Variants in DRD2 observed in about 807,000 individuals in gnomAD.
DRD2 encodes the protein D(2) dopamine receptor.
In DRD2, 8 loss-of-function variants were observed where a neutral mutation model predicts 38.0. That is an observed-to-expected ratio of 0.21 (90% CI 0.12 to 0.38). The LOEUF (loss-of-function observed/expected upper bound fraction) is 0.38. Among genes scored for constraint, DRD2 ranks in the 10% least tolerant of loss-of-function variants. The probability of loss-of-function intolerance (pLI) is 1.00; values close to 1 mark genes in which losing one functional copy is unlikely to be tolerated. For missense variants in DRD2, 403 were observed against 607.7 expected (o/e 0.66, Z 3.54); for synonymous variants, 230 against 238.6 (o/e 0.96, Z 0.33).
chr11:113,419,693 G>A (rs537380786), intron 2 of DRD2, among the ~76,000 whole-genome samples: 6 of 152,154 alleles, frequency 3.9e-5, no homozygotes, highest in African/African-American at 7.2e-5. Flanking sequence ...CCCGCAACCC[G>A]GAGTAGGGCA....
At chr11:113,447,303 T>C (rs1255896330) in intron 1 of DRD2, among the ~76,000 whole-genome samples, 1 of 152,122 alleles carries the variant, frequency 6.6e-6, no homozygotes, top group Non-Finnish European at 1.5e-5. Context: ...CATAAAATCC[T>C]CTCCCCGCTC....
At chr11:113,447,103 C>T (rs1391806857) in intron 1 of DRD2, among the ~76,000 whole-genome samples, 2 of 152,124 alleles carry the variant, frequency 1.3e-5, no homozygotes, top group Non-Finnish European at 2.9e-5. Context: ...ATGTCATAGC[C>T]CTTGCAAGTC....
chr11:113,467,078 C>T (rs2119990911), intron 1 of DRD2, among the ~76,000 whole-genome samples: 1 of 152,224 alleles, frequency 6.6e-6, no homozygotes, highest in African/African-American at 2.4e-5. Context: ...GTGCTGACAT[C>T]CTCTGCCTGG....
intron 2 of DRD2, among the ~76,000 whole-genome samples, chr11:113,419,706 C>T (rs1371001719): frequency 6.6e-6 from 1 of 152,204 alleles, no homozygotes; most frequent in Non-Finnish European, 1.5e-5. Flanking sequence ...GTAGGGCAGA[C>T]TTCGTGTCAC....
intron 1 of DRD2, among the ~76,000 whole-genome samples, chr11:113,426,361 G>C (rs1249718709): frequency 6.6e-6 from 1 of 152,160 alleles, no homozygotes; most frequent in Non-Finnish European, 1.5e-5. Context: ...CGGAGTTTTG[G>C]TTGTGACTGA....
At chr11:113,419,154 C>T (rs1950856797) in intron 2 of DRD2, among the ~76,000 whole-genome samples, 1 of 152,226 alleles carries the variant, frequency 6.6e-6, no homozygotes, top group Non-Finnish European at 1.5e-5. Flanking sequence ...TCTGGCTGAG[C>T]CAGGCAAGCC....
chr11:113,414,393 T>C lies in DRD2; in HGVS notation c.792A>G (p.Pro264=). The stretch of plus-strand genomic sequence containing the variant: ...CACTTACCACTCTCCGCCTGTTCAC[T>C]GGGAAACTCCCATTAGACTTCATGA... ...TVIMKSNGSF[P]VNRRRVEAAR... is the part of the protein sequence containing the mutation. Residue 264 remains proline (P), a synonymous_variant, in exon 6 of 8, where the codon CCA becomes CCG. Transcript: ENST00000362072. 1 of 1,614,208 alleles carries C rather than the reference T, an allele frequency of 6.2e-7. No homozygotes were observed. Among genetic ancestry groups the C allele is most frequent in the Non-Finnish European group, 8.5e-7 (1 of 1,180,044 alleles).
chr11:113,448,246 G>T lies in DRD2; in HGVS notation c.-31-23564C>A, dbSNP rs1591294732. On this transcript the variant is annotated intron_variant, in intron 1 of 7. Transcript: ENST00000362072. Reference sequence around the variant, plus strand: ...GAGATCTCTTGTCCATAGGCCAGTAGAGCACCCAAGCCCAGAGCAATGGGT... The same window carrying T: ...GAGATCTCTTGTCCATAGGCCAGTATAGCACCCAAGCCCAGAGCAATGGGT... 2.0e-5 allele frequency among the ~76,000 whole-genome samples: 3 copies of T among 152,146 alleles called. No individual in the cohort carries two copies. In the East Asian group the frequency reaches 5.8e-4, roughly 29 times the overall value.
At position 113,414,450 on chromosome 11, in the gene DRD2, A is replaced by G; in HGVS notation, c.735T>C (p.Thr245=). ...HLRAPLKGNC[T]HPEDMKLCTV... ...TGCAGAGTTTCATGTCCTCGGGGTG[A>G]GTACAGTTGCCCTGTGGAGTGAGCC... The change falls in exon 6 of 8, where the codon ACT becomes ACC. Residue 245 remains threonine, a synonymous_variant. Transcript: ENST00000362072. 1 of 1,614,148 alleles carries G rather than the reference A, an allele frequency of 6.2e-7. No individual in the cohort carries two copies. Among genetic ancestry groups the G allele is most frequent in the Non-Finnish European group, 8.5e-7 (1 of 1,180,034 alleles).
chr11:113,440,382 C>A (rs1015238968), intron 1 of DRD2, among the ~76,000 whole-genome samples: 1 of 152,250 alleles, frequency 6.6e-6, no homozygotes, highest in Non-Finnish European at 1.5e-5. Flanking sequence ...TGATTCCCCC[C>A]AGACTTTCAG....
chr11:113,441,479 T>G (rs1269669092), intron 1 of DRD2, among the ~76,000 whole-genome samples: 5 of 152,208 alleles, frequency 3.3e-5, no homozygotes, highest in Non-Finnish European at 1.5e-5. Flanking sequence ...ATTGCCAATA[T>G]TTACAATTGG....
Position 113,412,612 on chromosome 11 carries a change from CT to C in DRD2, c.1081del (p.Arg361GlyfsTer35). 2 of 1,614,130 alleles carry C rather than the reference CT, an allele frequency of 1.2e-6. No individual in the cohort carries two copies. Among genetic ancestry groups the C allele is most frequent in the Non-Finnish European group, 1.7e-6 (2 of 1,180,014 alleles). The stretch of plus-strand genomic sequence containing the variant: ...CTTCTCCTTCTGCTGGGAGAGCTTC[CT>C]ACGGCTCATGGTCTTGAGGGAGGTC... ...TRTSLKTMSRRKLSQQKEKKA... is the reference protein window; with the variant it reads ...TRTSLKTMSRXKLSQQKEKKA... On this transcript the variant is annotated frameshift_variant, in exon 7 of 8. Coordinates refer to ENST00000362072, the MANE Select transcript of DRD2 (RefSeq NM_000795.4). LOFTEE classifies it high-confidence loss of function.
chr11:113,454,568 G>A (rs1052682740), intron 1 of DRD2, among the ~76,000 whole-genome samples: 1 of 152,062 alleles, frequency 6.6e-6, no homozygotes, highest in African/African-American at 2.4e-5. Flanking sequence ...TGCATTGTCT[G>A]TACTTCGTCC....
intron 1 of DRD2, among the ~76,000 whole-genome samples, chr11:113,434,899 G>A (rs1951021692): frequency 6.6e-6 from 1 of 152,076 alleles, no homozygotes; most frequent in Admixed American, 6.5e-5. Context: ...GGGGGAGGCT[G>A]GAGCACGCAC....
In DRD2 at chr11:113,412,668, C is replaced by T; in HGVS notation, c.1026G>A (p.Glu342=). Residue 342 remains glutamate, a synonymous_variant, in exon 7 of 8, where the codon GAG becomes GAA. Transcript: ENST00000362072. The stretch of plus-strand genomic sequence containing the variant: ...TTTTGCCATTGGGCATGGTCTGGAT[C>T]TCAAAGATCTTGGCAATCTTGGGGT... ...KDHPKIAKIF[E]IQTMPNGKTR... 6.2e-7 allele frequency: 1 copy of T among 1,614,192 alleles called. No individual in the cohort carries two copies. The highest frequency in any genetic ancestry group is 8.5e-7 in the Non-Finnish European group (1 of 1,180,042).
chr11:113,415,344 C>T (rs1400971493), intron 5 of DRD2, 77 bp downstream of exon 5: 1 of 1,517,060 alleles, frequency 6.6e-7, no homozygotes, highest in Non-Finnish European at 8.9e-7. Context: ...CCCAAGCCCC[C>T]ACCTGAGCAT....
chr11:113,450,762 G>A (rs926387654), intron 1 of DRD2, among the ~76,000 whole-genome samples: 9 of 152,322 alleles, frequency 5.9e-5, no homozygotes, highest in South Asian at 2.1e-4. Flanking sequence ...TGCAGAACCC[G>A]TAAATGAAGG....
At chr11:113,474,967 C>G (rs1026143615) in intron 1 of DRD2, 109 bp downstream of exon 1, 1 of 152,220 alleles carries the variant, frequency 6.6e-6, no homozygotes, top group African/African-American at 2.4e-5. Flanking sequence ...GAGCAGGCGG[C>G]CAGGAGTGGC....
At position 113,424,567 on chromosome 11, in the gene DRD2, C is replaced by G. The variant is rs757338225; in HGVS notation, c.85G>C (p.Ala29Pro). The change falls in exon 2 of 8, where the codon GCG (alanine) becomes CCG (proline). Residue 29 changes from alanine to proline, a missense_variant. Transcript: ENST00000362072. Reference sequence around the variant, plus strand: ...TAGTAGTTGTAGTGGGGTCTGTCCGCCTTCCCGTCTGACCCGTTGAAGGGC... The same window carrying G: ...TAGTAGTTGTAGTGGGGTCTGTCCGGCTTCCCGTCTGACCCGTTGAAGGGC... ...SRPFNGSDGK[A>P]DRPHYNYYAT... The G allele has an allele frequency of 6.2e-7, 1 of 1,614,222 alleles. No individual in the cohort carries two copies. The highest frequency in any genetic ancestry group is 1.7e-5 in the Admixed American group (1 of 60,030).
Sources: gnomAD v4.1 joint callset for allele counts (sites outside exome capture counted in the v4.1 genomes callset) on GRCh38, gnomAD v4.1.1 for gene constraint, MANE v1.5 for transcripts, NCBI Gene and HGNC (gene_info 2026-07-23, HGNC 2026-07-21) for gene names.